The following FHIT variants were observed in gnomAD, a reference collection of about 807,000 sequenced individuals.
The protein encoded by FHIT is bis(5'-adenosyl)-triphosphatase.
FHIT carries 19 observed loss-of-function variants against 17.9 expected under a neutral mutation model. The ratio of observed to expected loss-of-function variants is 1.06; its 90% CI spans 0.74 to 1.56. FHIT has a LOEUF of 1.56. Ranked by LOEUF, FHIT falls within the 40% of genes most tolerant of loss-of-function variation. The pLI is 0.00. For synonymous variants in FHIT, 81 were observed against 69.7 expected, an observed-to-expected ratio of 1.16 and a Z score of -0.81; for missense variants, 248 against 189.2, an observed-to-expected ratio of 1.31 and a Z score of -1.82.
At chr3:60,882,699 T>C (rs975078467) in intron 3 of FHIT, among the ~76,000 whole-genome samples, 13 of 152,124 alleles carry the variant, frequency 8.5e-5, no homozygotes, top group African/African-American at 2.9e-4. Context: ...AAACTAAGTA[T>C]AGAATAAGTG....
At chr3:61,023,617 A>C (rs1271280722) in intron 3 of FHIT, among the ~76,000 whole-genome samples, 1 of 152,238 alleles carries the variant, frequency 6.6e-6, no homozygotes, top group East Asian at 1.9e-4. Context: ...GATTACAGTA[A>C]CCAAAACAGC....
chr3:60,392,824 G>C (rs571842094), intron 5 of FHIT, among the ~76,000 whole-genome samples: 1 of 152,294 alleles, frequency 6.6e-6, no homozygotes, highest in African/African-American at 2.4e-5. Flanking sequence ...CTGGTCACAA[G>C]TAAAAGTCAT....
intron 4 of FHIT, among the ~76,000 whole-genome samples, chr3:60,800,036 T>C (rs1701133060): frequency 6.6e-6 from 1 of 152,176 alleles, no homozygotes; most frequent in Non-Finnish European, 1.5e-5. Flanking sequence ...ATTCTGGACC[T>C]ATCGAACCAT....
chr3:60,632,683 A>C lies in FHIT; in HGVS notation c.-17-95704T>G, dbSNP rs117551906. 2.9e-4 allele frequency among the ~76,000 whole-genome samples: 44 copies of C among 152,340 alleles called. 1 individual carries two copies. In the East Asian group the frequency reaches 8.5e-3, roughly 29 times the overall value. On this transcript the variant is annotated intron_variant, in intron 4 of 9. Coordinates refer to ENST00000492590, the MANE Select transcript of FHIT (RefSeq NM_002012.4). ...TGACCCTAATTCCAAAAATCATGGG[A>C]AGGACATACTTCTTAGTATCTTTAT... is the stretch of plus-strand genomic sequence containing the variant.
At chr3:60,525,399 T>G (rs930845782) in intron 5 of FHIT, among the ~76,000 whole-genome samples, 1 of 152,228 alleles carries the variant, frequency 6.6e-6, no homozygotes, top group Non-Finnish European at 1.5e-5. Flanking sequence ...CTCTAAGAAT[T>G]GAAGGGATCA....
chr3:61,077,477 C>A (rs372317874), intron 2 of FHIT, among the ~76,000 whole-genome samples: 3 of 151,866 alleles, frequency 2.0e-5, no homozygotes, highest in African/African-American at 7.3e-5. Context: ...AACAAACAAA[C>A]AAACAAACAA....
intron 5 of FHIT, among the ~76,000 whole-genome samples, chr3:60,171,923 T>G (rs2107405844): frequency 6.6e-6 from 1 of 152,272 alleles, no homozygotes; most frequent in African/African-American, 2.4e-5. Flanking sequence ...TGTATCATAC[T>G]ACTGGCCTCA....
chr3:61,039,924 T>A (rs2107687010), intron 3 of FHIT, among the ~76,000 whole-genome samples: 1 of 152,320 alleles, frequency 6.6e-6, no homozygotes, highest in South Asian at 2.1e-4. Context: ...AGAATATTAT[T>A]ACTAACTTGA....
At chr3:60,960,477 G>C (rs1709369300) in intron 3 of FHIT, among the ~76,000 whole-genome samples, 1 of 152,126 alleles carries the variant, frequency 6.6e-6, no homozygotes, top group African/African-American at 2.4e-5. Context: ...CAACGTGCAG[G>C]TTTGTTACAT....
intron 5 of FHIT, among the ~76,000 whole-genome samples, chr3:60,031,157 A>G (rs899018200): frequency 2.0e-5 from 3 of 152,188 alleles, no homozygotes; most frequent in African/African-American, 7.2e-5. Context: ...TTGTTTCTAC[A>G]AAACACGTTT....
intron 8 of FHIT, among the ~76,000 whole-genome samples, chr3:59,920,511 T>C (rs959574450): frequency 6.6e-5 from 10 of 152,184 alleles, no homozygotes; most frequent in African/African-American, 2.4e-4. Context: ...ACCACAGCAC[T>C]GTACATTGTG....
At chr3:59,899,959 C>T (rs1704251794) in intron 8 of FHIT, among the ~76,000 whole-genome samples, 3 of 152,210 alleles carry the variant, frequency 2.0e-5, no homozygotes, top group Admixed American at 6.5e-5. Flanking sequence ...TAGGCTTTGC[C>T]GGCCATAGGT....
intron 2 of FHIT, among the ~76,000 whole-genome samples, chr3:61,142,425 G>A (rs1238183250): frequency 1.3e-5 from 2 of 151,776 alleles, no homozygotes; most frequent in African/African-American, 4.8e-5. Context: ...AGTCAATGAT[G>A]TATTTGAATG....
At chr3:60,175,827 T>TGG (rs1701644763) in intron 5 of FHIT, among the ~76,000 whole-genome samples, 1 of 152,050 alleles carries the variant, frequency 6.6e-6, no homozygotes, top group African/African-American at 2.4e-5. Context: ...CAGAAGACAG[T>TGG]GGGTTTCATT....
At chr3:60,054,574 T>C (rs545568733) in intron 5 of FHIT, among the ~76,000 whole-genome samples, 2 of 152,312 alleles carry the variant, frequency 1.3e-5, no homozygotes, top group African/African-American at 4.8e-5. Flanking sequence ...TCTTTCAGCC[T>C]CTTAACAGCA....
intron 5 of FHIT, among the ~76,000 whole-genome samples, chr3:60,062,892 C>T (rs899923237): frequency 6.6e-6 from 1 of 151,954 alleles, no homozygotes; most frequent in African/African-American, 2.4e-5. Flanking sequence ...GCCATAAAGG[C>T]CTTGCAGAAA....
At chr3:59,896,311 T>C (rs1704068122) in intron 8 of FHIT, among the ~76,000 whole-genome samples, 1 of 152,216 alleles carries the variant, frequency 6.6e-6, no homozygotes, top group Non-Finnish European at 1.5e-5. Flanking sequence ...ACAGTTCATA[T>C]ACATGAACTA....
At chr3:60,937,880 C>T (rs1319262643) in intron 3 of FHIT, among the ~76,000 whole-genome samples, 1 of 152,014 alleles carries the variant, frequency 6.6e-6, no homozygotes, top group Non-Finnish European at 1.5e-5. Context: ...CTTTTCTTCA[C>T]ATTGTCACTG....
intron 3 of FHIT, among the ~76,000 whole-genome samples, chr3:60,824,131 T>A (rs1702033665): frequency 6.6e-6 from 1 of 152,138 alleles, no homozygotes; most frequent in Non-Finnish European, 1.5e-5. Context: ...GACTTACATT[T>A]TAATAAGCTC....
Sources: allele counts gnomAD v4.1 joint callset (sites outside exome capture counted in the v4.1 genomes callset), GRCh38; gene constraint gnomAD v4.1.1; transcripts MANE v1.5; gene names NCBI Gene and HGNC (gene_info 2026-07-23, HGNC 2026-07-21).